ADAMTS3: variants seen among roughly 807,000 people sequenced by gnomAD.
ADAMTS3 encodes the protein ADAM metallopeptidase with thrombospondin type 1 motif 3.
Under a neutral mutation model 129.0 loss-of-function variants are expected in ADAMTS3, and 73 were observed. That is an observed-to-expected ratio of 0.57 (90% confidence interval 0.47 to 0.69). The LOEUF (loss-of-function observed/expected upper bound fraction) is 0.69, where lower values mean the gene tolerates loss of function less well. Ranked by LOEUF, ADAMTS3 falls within the 30% of genes least tolerant of loss-of-function variation. The probability of loss-of-function intolerance (pLI) is 0.00; values close to 1 mark genes in which losing one functional copy is unlikely to be tolerated. For missense variants in ADAMTS3, 1,457 were observed against 1,514.5 expected (o/e 0.96, Z 0.63); for synonymous variants, 477 against 510.8 (o/e 0.93, Z 0.89).
rs189365672 is a variant in ADAMTS3, at chr4:72,381,136, G to A, written c.661+33679C>T. On this transcript the variant is annotated intron_variant, in intron 4 of 21. Coordinates refer to ENST00000286657, the MANE Select transcript of ADAMTS3 (RefSeq NM_014243.3). ...GTATTTGTGACAAGATAATCCCATG[G>A]TGTGTAAAGTGGCTGTGTAGACTGG... Among the ~76,000 whole-genome samples the A allele has an allele frequency of 6.9e-3, 1,055 of 152,212 alleles. 6 individuals are homozygous for A. The highest frequency in any genetic ancestry group is 0.027 in the Middle Eastern group (8 of 294).
chr4:72,313,880 G>GT, intron 11 of ADAMTS3, 58 bp from the exon 12 acceptor site: 1 of 1,593,442 alleles, frequency 6.3e-7, no homozygotes, highest in Non-Finnish European at 8.6e-7. Flanking sequence ...AGCTGAAGTT[G>GT]TTATACAAGA....
intron 3 of ADAMTS3, among the ~76,000 whole-genome samples, chr4:72,502,128 T>C (rs779909997): frequency 6.6e-6 from 1 of 152,166 alleles, no homozygotes; most frequent in East Asian, 1.9e-4. Flanking sequence ...GCTGGCTTTA[T>C]AGAATGAGTT....
intron 3 of ADAMTS3, among the ~76,000 whole-genome samples, chr4:72,451,358 CAAT>C (rs1718400537): frequency 6.6e-6 from 1 of 151,748 alleles, no homozygotes; most frequent in African/African-American, 2.4e-5. Context: ...ACAAATTTCT[CAAT>C]AATGTCTGAG....
intron 3 of ADAMTS3, among the ~76,000 whole-genome samples, chr4:72,541,699 G>C (rs1481608784): frequency 6.6e-6 from 1 of 152,088 alleles, no homozygotes; most frequent in Non-Finnish European, 1.5e-5. Context: ...GAGATCTGAT[G>C]GTTTTACAAA....
At chr4:72,355,722 TAC>T (rs1326735067) in intron 4 of ADAMTS3, among the ~76,000 whole-genome samples, 9 of 152,150 alleles carry the variant, frequency 5.9e-5, no homozygotes, top group African/African-American at 2.2e-4. Context: ...TGCTTGGTCT[TAC>T]ACTTTTCCCA....
intron 12 of ADAMTS3, among the ~76,000 whole-genome samples, chr4:72,312,850 C>T (rs1719279851): frequency 6.6e-6 from 1 of 152,104 alleles, no homozygotes; most frequent in South Asian, 2.1e-4. Context: ...ATGTAAAATG[C>T]AAATAATAAT....
chr4:72,352,390 A>C (rs928286634), intron 4 of ADAMTS3, among the ~76,000 whole-genome samples: 33 of 152,070 alleles, frequency 2.2e-4, no homozygotes, highest in Non-Finnish European at 4.6e-4. Flanking sequence ...AATTGGTAAC[A>C]CAAGGAAAAC....
chr4:72,288,788 A>G lies in ADAMTS3; in HGVS notation c.3012T>C (p.Pro1004=). ...GCAGTTGACAGGCTCTGACCGACTC[A>G]GGCTTTTCACCATCACAGTGGTCCC... The part of the protein sequence containing the change: ...RAGDHCDGEK[P]ESVRACQLPP... Residue 1004 remains proline (P), a synonymous_variant, in exon 21 of 22, where the codon CCT becomes CCC. Transcript: ENST00000286657. 5 of 1,613,984 alleles carry G rather than the reference A, an allele frequency of 3.1e-6. No homozygotes were observed. Among genetic ancestry groups the G allele is most frequent in the Non-Finnish European group, 4.2e-6 (5 of 1,179,956 alleles).
chr4:72,291,167 C>T (rs1718652857), intron 19 of ADAMTS3, 105 bp from the exon 20 acceptor site: 13 of 1,161,114 alleles, frequency 1.1e-5, no homozygotes, highest in Non-Finnish European at 1.6e-5. Context: ...GACTTGCAAC[C>T]TAGTGGGCAC....
chr4:72,307,527 G>C (rs371527466), intron 15 of ADAMTS3, among the ~76,000 whole-genome samples: 2 of 152,002 alleles, frequency 1.3e-5, no homozygotes, highest in South Asian at 4.2e-4. Context: ...ATTAGTGGAG[G>C]GTTCATGTTT....
Position 72,319,728 on chromosome 4 carries a change from A to AT in ADAMTS3, c.1208+129_1208+130insA, listed in dbSNP as rs1719502447. Reference sequence around the variant, plus strand: ...CGTGCATGACCTCTTCTCTGTTTGCAGCTCTTCACACTTGGCAAAAGACAA... The same window carrying AT: ...CGTGCATGACCTCTTCTCTGTTTGCATGCTCTTCACACTTGGCAAAAGACAA... On this transcript the variant is annotated intron_variant, in intron 8 of 21. Transcript: ENST00000286657. 3.6e-6 allele frequency: 3 copies of AT among 838,500 alleles called. No individual in the cohort carries two copies. The African/African-American group carries it at 5.1e-5, about 14-fold the overall frequency. The allele number at this position is 838,500 out of a possible 1,614,324, so 51.9% of individuals were successfully genotyped here.
In ADAMTS3 at chr4:72,486,919, T is replaced by G. The variant is rs567755339; in HGVS notation, c.504+61559A>C. On this transcript the variant is annotated intron_variant, in intron 3 of 21. Transcript: ENST00000286657. ...AGGGCAAAATATAGCAAATAATAAA[T>G]GCTCAGTTAACTGTAGATTGTTCAT... Among the ~76,000 whole-genome samples the G allele has an allele frequency of 7.9e-5, 12 of 152,286 alleles. No homozygotes were observed. In the South Asian group the frequency reaches 2.5e-3, roughly 32 times the overall value.
chr4:72,533,971 C>T (rs536262004), intron 3 of ADAMTS3, among the ~76,000 whole-genome samples: 3 of 152,246 alleles, frequency 2.0e-5, no homozygotes, highest in South Asian at 4.1e-4. Context: ...ATCTCTTCCT[C>T]GGCCAGAAGG....
chr4:72,321,009 C>T, intron 6 of ADAMTS3, 139 bp from the exon 7 acceptor site: 1 of 863,458 alleles, frequency 1.2e-6, no homozygotes, highest in Non-Finnish European at 1.7e-6. Context: ...CTGATATTTG[C>T]TTTGATTTGT....
At chr4:72,354,983 G>C (rs750938054) in intron 4 of ADAMTS3, among the ~76,000 whole-genome samples, 14 of 151,818 alleles carry the variant, frequency 9.2e-5, no homozygotes, top group African/African-American at 3.4e-4. Flanking sequence ...TACTCCAAAA[G>C]CTTTTGGTAT....
chr4:72,394,588 C>A (rs1472957421), intron 4 of ADAMTS3, among the ~76,000 whole-genome samples: 1 of 152,194 alleles, frequency 6.6e-6, no homozygotes, highest in Non-Finnish European at 1.5e-5. Context: ...ATTGCCATTT[C>A]TGCAGCATAC....
At chr4:72,294,223 G>C (rs1718749207) in intron 19 of ADAMTS3, among the ~76,000 whole-genome samples, 1 of 152,026 alleles carries the variant, frequency 6.6e-6, no homozygotes, top group Non-Finnish European at 1.5e-5. Context: ...TTGTTTTCTA[G>C]ATTCCATATG....
chr4:72,314,009 T>C (rs531067220), intron 11 of ADAMTS3, among the ~76,000 whole-genome samples, 187 bp from the exon 12 acceptor site: 2 of 152,198 alleles, frequency 1.3e-5, no homozygotes, highest in Non-Finnish European at 2.9e-5. Context: ...TTTAGACTTG[T>C]ATTTTTCAAG....
At chr4:72,306,546 A>T (rs1486999022) in intron 15 of ADAMTS3, among the ~76,000 whole-genome samples, 1 of 152,014 alleles carries the variant, frequency 6.6e-6, no homozygotes, top group African/African-American at 2.4e-5. Context: ...TTATTAAAAT[A>T]TTTTCATATT....
Sources: gnomAD v4.1 joint callset for allele counts (sites outside exome capture counted in the v4.1 genomes callset) on GRCh38, gnomAD v4.1.1 for gene constraint, MANE v1.5 for transcripts, NCBI Gene and HGNC (gene_info 2026-07-23, HGNC 2026-07-21) for gene names.